Variants in HEMK2 observed in about 807,000 individuals in gnomAD.
HEMK2 encodes HemK methyltransferase 2, ETF1 glutamine and histone H4 lysine, also known as methyltransferase HEMK2.
the HEMK2 span, among the ~76,000 whole-genome samples, chr21:28,766,766 T>C: frequency 6.6e-6 from 1 of 152,218 alleles, no homozygotes; most frequent in Non-Finnish European, 1.5e-5. Context: ...CAAAATATTG[T>C]ATGTTCTCAC....
chr21:28,864,218 G>C, the HEMK2 span, among the ~76,000 whole-genome samples: 3 of 152,108 alleles, frequency 2.0e-5, no homozygotes, highest in Admixed American at 2.0e-4. Flanking sequence ...ATAAGAGCTG[G>C]CATTCCCAAC....
chr21:28,590,154 C>G, the HEMK2 span, among the ~76,000 whole-genome samples: 2 of 152,136 alleles, frequency 1.3e-5, no homozygotes, highest in Admixed American at 1.3e-4. Flanking sequence ...ATTCTTTGCT[C>G]TTTGGCATAA....
chr21:28,807,933 G>C, the HEMK2 span, among the ~76,000 whole-genome samples: 1 of 152,152 alleles, frequency 6.6e-6, no homozygotes, highest in East Asian at 1.9e-4. Context: ...GAGGTGATGT[G>C]AAAGAGTCTT....
At chr21:28,852,805 G>C in the HEMK2 span, among the ~76,000 whole-genome samples, 1 of 152,112 alleles carries the variant, frequency 6.6e-6, no homozygotes, top group African/African-American at 2.4e-5. Context: ...AATGCAGTAG[G>C]CTTCGTATCA....
chr21:28,617,628 T>C, the HEMK2 span, among the ~76,000 whole-genome samples: 3 of 152,230 alleles, frequency 2.0e-5, no homozygotes, highest in Admixed American at 2.0e-4. Context: ...CTGCTGATTC[T>C]TCCTACCTTA....
the HEMK2 span, among the ~76,000 whole-genome samples, chr21:28,804,984 C>G: frequency 0.013 from 1,986 of 152,298 alleles, 51 homozygotes; most frequent in African/African-American, 0.046. Flanking sequence ...AGGCCCCACC[C>G]CTGAAAATTC....
the HEMK2 span, among the ~76,000 whole-genome samples, chr21:28,673,145 G>GAGGA: frequency 2.6e-4 from 39 of 147,664 alleles, no homozygotes; most frequent in South Asian, 8.7e-4. Flanking sequence ...GAAAGAAAAA[G>GAGGA]AGGAAGGAAG....
the HEMK2 span, among the ~76,000 whole-genome samples, chr21:28,768,445 C>T: frequency 2.6e-5 from 4 of 152,052 alleles, no homozygotes; most frequent in African/African-American, 9.7e-5. Flanking sequence ...TGAGTGTTCC[C>T]GTATGGAAAT....
chr21:28,753,372 A>T, the HEMK2 span, among the ~76,000 whole-genome samples: 1 of 151,860 alleles, frequency 6.6e-6, no homozygotes, highest in Non-Finnish European at 1.5e-5. Context: ...AAAAAAAAAA[A>T]AAGTAGAAGG....
At chr21:28,804,796 C>T in the HEMK2 span, among the ~76,000 whole-genome samples, 1 of 152,150 alleles carries the variant, frequency 6.6e-6, no homozygotes, top group Non-Finnish European at 1.5e-5. Flanking sequence ...TTCTTTCATT[C>T]CTGCACACAC....
At chr21:28,724,293 T>G in the HEMK2 span, among the ~76,000 whole-genome samples, 1 of 152,354 alleles carries the variant, frequency 6.6e-6, no homozygotes, top group Admixed American at 6.5e-5. Context: ...TTTTAAACAC[T>G]TCTCTAAAAA....
At chr21:28,654,380 TC>T in the HEMK2 span, among the ~76,000 whole-genome samples, 1 of 152,158 alleles carries the variant, frequency 6.6e-6, no homozygotes, top group Non-Finnish European at 1.5e-5. Flanking sequence ...GCATTTTCTT[TC>T]TTTCTCTGCT....
chr21:28,840,584 G>C, the HEMK2 span, among the ~76,000 whole-genome samples: 2 of 151,952 alleles, frequency 1.3e-5, no homozygotes, highest in Non-Finnish European at 2.9e-5. Context: ...TACACAAATG[G>C]CCAACAAACG....
chr21:28,648,473 G>A, the HEMK2 span, among the ~76,000 whole-genome samples: 2 of 152,136 alleles, frequency 1.3e-5, no homozygotes, highest in Non-Finnish European at 2.9e-5. Context: ...AGTCTGCTTT[G>A]CCCATTACTG....
At chr21:28,632,515 A>G in the HEMK2 span, among the ~76,000 whole-genome samples, 14 of 152,356 alleles carry the variant, frequency 9.2e-5, no homozygotes, top group African/African-American at 3.1e-4. Flanking sequence ...CAGTAACAGC[A>G]TAAGATGTTT....
chr21:28,581,656 C>G, the HEMK2 span, among the ~76,000 whole-genome samples: 1 of 152,148 alleles, frequency 6.6e-6, no homozygotes, highest in Non-Finnish European at 1.5e-5. Context: ...GGGAAAAGGC[C>G]TAGATCGTTC....
the HEMK2 span, among the ~76,000 whole-genome samples, chr21:28,729,345 C>A: frequency 6.6e-6 from 1 of 152,040 alleles, no homozygotes; most frequent in Non-Finnish European, 1.5e-5. Context: ...AAACCAAGAC[C>A]GTGGCCTAGA....
the HEMK2 span, among the ~76,000 whole-genome samples, chr21:28,738,929 T>G: frequency 6.6e-6 from 1 of 152,244 alleles, no homozygotes; most frequent in Non-Finnish European, 1.5e-5. Flanking sequence ...TTAATGCATT[T>G]TGCTTTCAAT....
chr21:28,846,736 A>G, the HEMK2 span, among the ~76,000 whole-genome samples: 1 of 152,220 alleles, frequency 6.6e-6, no homozygotes, highest in Admixed American at 6.5e-5. Context: ...TTCATAACCC[A>G]GTGATAAGCA....
Sources: allele counts gnomAD v4.1 joint callset (sites outside exome capture counted in the v4.1 genomes callset), GRCh38; gene constraint gnomAD v4.1.1; transcripts MANE v1.5; gene names NCBI Gene and HGNC (gene_info 2026-07-23, HGNC 2026-07-21).